The following TMPRSS7 variants were observed in gnomAD, a reference collection of about 807,000 sequenced individuals.
TMPRSS7 encodes the protein transmembrane protease serine 7.
In TMPRSS7, 81 loss-of-function variants were observed where a neutral mutation model predicts 95.6. The ratio of observed to expected loss-of-function variants is 0.85; its 90% CI spans 0.71 to 1.02. TMPRSS7 has a LOEUF of 1.02. Ranked by LOEUF, TMPRSS7 falls within the 50% of genes least tolerant of loss-of-function variation. The pLI is 0.00. For missense variants in TMPRSS7, 945 were observed against 955.2 expected (o/e 0.99, Z 0.14); for synonymous variants, 364 against 337.8 (o/e 1.08, Z -0.85).
In TMPRSS7 at chr3:112,047,979, G is replaced by C. The variant is rs908344297; in HGVS notation, c.959+12G>C. 3 of 1,605,452 alleles carry C rather than the reference G, an allele frequency of 1.9e-6. No homozygotes were observed. In the African/African-American group the frequency reaches 4.0e-5, roughly 21 times the overall value. ...AGCATCTTGTACAGGTACGATGCAG[G>C]TACTCTTCTTGGTGGGTAAAAATAT... On this transcript the variant is annotated intron_variant, in intron 7 of 17. Transcript: ENST00000452346.
rs760669825 is a variant in TMPRSS7 at position 112,057,109 on chromosome 3, T to TGG, written c.1289_1290dup (p.Trp431GlyfsTer77). 6.2e-7 allele frequency: 1 copy of TGG among 1,611,980 alleles called. No homozygotes were observed. Among genetic ancestry groups the TGG allele is most frequent in the South Asian group, 1.1e-5 (1 of 90,810 alleles). On this transcript the variant is annotated frameshift_variant, in exon 10 of 18. Transcript: ENST00000452346. LOFTEE classifies it high-confidence loss of function. The stretch of plus-strand genomic sequence containing the variant: ...GAGTATGAAAGGCTGTGAGCATGGA[T>TGG]GGTGGGAAATTAATGAGCACATGTA...
intron 10 of TMPRSS7, among the ~76,000 whole-genome samples, chr3:112,059,101 T>A (rs1273295748): frequency 6.6e-6 from 1 of 152,120 alleles, no homozygotes. Context: ...CTAGACAGCC[T>A]GGGGGTGAGG....
intron 1 of TMPRSS7, among the ~76,000 whole-genome samples, chr3:112,035,561 AAG>A (rs1191673842): frequency 6.6e-6 from 1 of 152,178 alleles, no homozygotes; most frequent in Non-Finnish European, 1.5e-5. Context: ...GGGAGAGGAA[AAG>A]AGAAGGAGAG....
intron 6 of TMPRSS7, 42 bp from the exon 7 acceptor site, chr3:112,047,697 T>TA (rs545933986): frequency 8.7e-4 from 1,196 of 1,370,372 alleles, no homozygotes; most frequent in Non-Finnish European, 9.9e-4. Context: ...AAGTCATTCC[T>TA]AAAAAAAAAG....
chr3:112,045,693 A>C, intron 4 of TMPRSS7, 57 bp from the exon 5 acceptor site: 1 of 1,455,456 alleles, frequency 6.9e-7, no homozygotes, highest in Non-Finnish European at 9.2e-7. Flanking sequence ...TCATCTGGGT[A>C]TTTCTTCTCT....
intron 17 of TMPRSS7, among the ~76,000 whole-genome samples, chr3:112,080,026 A>T (rs926885310): frequency 1.3e-5 from 2 of 152,118 alleles, no homozygotes; most frequent in Admixed American, 1.3e-4. Context: ...AACTTAGTAG[A>T]GTTGATGTGG....
intron 13 of TMPRSS7, among the ~76,000 whole-genome samples, chr3:112,068,304 G>A (rs1421142257): frequency 1.3e-5 from 2 of 152,180 alleles, no homozygotes; most frequent in Non-Finnish European, 2.9e-5. Flanking sequence ...TCTTGGCAAT[G>A]CAGGCTCTTT....
chr3:112,076,020 A>G (rs2073707347), intron 15 of TMPRSS7, among the ~76,000 whole-genome samples: 1 of 152,146 alleles, frequency 6.6e-6, no homozygotes, highest in African/African-American at 2.4e-5. Flanking sequence ...GTTTCCCTGA[A>G]AATTATAGGA....
chr3:112,036,774 G>A (rs2107734135), intron 1 of TMPRSS7, among the ~76,000 whole-genome samples: 1 of 152,296 alleles, frequency 6.6e-6, no homozygotes, highest in Admixed American at 6.5e-5. Flanking sequence ...ACCCTGAATG[G>A]AGGGAATTGC....
At chr3:112,048,360 A>C (rs1576102191) in intron 7 of TMPRSS7, among the ~76,000 whole-genome samples, 1 of 152,224 alleles carries the variant, frequency 6.6e-6, no homozygotes, top group Non-Finnish European at 1.5e-5. Context: ...TTCTCGTTAC[A>C]AAGATAACAC....
At chr3:112,054,454 T>A (rs1056438506) in intron 9 of TMPRSS7, among the ~76,000 whole-genome samples, 1 of 152,198 alleles carries the variant, frequency 6.6e-6, no homozygotes, top group African/African-American at 2.4e-5. Context: ...CAGGTTAATA[T>A]AAGTAATGAC....
intron 13 of TMPRSS7, among the ~76,000 whole-genome samples, chr3:112,069,531 A>G (rs529940082): frequency 1.4e-4 from 22 of 152,278 alleles, no homozygotes; most frequent in Non-Finnish European, 2.4e-4. Context: ...CAGAGATTCA[A>G]CTTCTTCCTG....
chr3:112,061,732 A>AT, intron 10 of TMPRSS7, 55 bp from the exon 11 acceptor site: 1 of 1,537,930 alleles, frequency 6.5e-7, no homozygotes, highest in Admixed American at 1.9e-5. Flanking sequence ...CATGAATGGG[A>AT]ATTCAGTCGA....
intron 9 of TMPRSS7, among the ~76,000 whole-genome samples, chr3:112,054,146 C>A (rs2073400961): frequency 6.6e-6 from 1 of 152,200 alleles, no homozygotes; most frequent in African/African-American, 2.4e-5. Flanking sequence ...TTTCACTGCT[C>A]ATCTGAGGTG....
intron 10 of TMPRSS7, among the ~76,000 whole-genome samples, chr3:112,058,918 C>T (rs2073466924): frequency 6.6e-6 from 1 of 152,202 alleles, no homozygotes; most frequent in Non-Finnish European, 1.5e-5. Context: ...CTTCTTTACC[C>T]TCAGGATTTA....
At chr3:112,050,538 A>AAAC (rs1422945872) in intron 8 of TMPRSS7, 133 bp from the exon 9 acceptor site, 1 of 391,514 alleles carries the variant, frequency 2.6e-6, no homozygotes, top group Non-Finnish European at 4.7e-6. Context: ...AAAAAAAAAA[A>AAAC]CCCAAAGTTT....
At chr3:112,053,305 A>C (rs2073387200) in intron 9 of TMPRSS7, among the ~76,000 whole-genome samples, 1 of 152,196 alleles carries the variant, frequency 6.6e-6, no homozygotes, top group South Asian at 2.1e-4. Context: ...CCATTTTGAA[A>C]TTTGCTGAAG....
At chr3:112,045,803 C>G (rs1262875530) in exon 5 of TMPRSS7, 1 of 1,551,420 alleles carries the variant, frequency 6.4e-7, no homozygotes, top group Non-Finnish European at 8.7e-7. Context: ...TTTGTCATGC[C>G]ACGTGCCAAA....
At chr3:112,070,293 A>T (rs183315549) in intron 13 of TMPRSS7, among the ~76,000 whole-genome samples, 1 of 152,312 alleles carries the variant, frequency 6.6e-6, no homozygotes, top group East Asian at 1.9e-4. Context: ...TGCTGATAAG[A>T]ATGTATATTC....
Sources: gnomAD v4.1 joint callset for allele counts (sites outside exome capture counted in the v4.1 genomes callset) on GRCh38, gnomAD v4.1.1 for gene constraint, MANE v1.5 for transcripts, NCBI Gene and HGNC (gene_info 2026-07-23, HGNC 2026-07-21) for gene names.